DOCK10: variants seen among roughly 807,000 people sequenced by gnomAD.
The protein encoded by DOCK10 is dedicator of cytokinesis protein 10.
Under a neutral mutation model 280.1 loss-of-function variants are expected in DOCK10, and 145 were observed. That is an observed-to-expected ratio of 0.52 (90% confidence interval 0.45 to 0.59). DOCK10 has a LOEUF of 0.59. Ranked by LOEUF, DOCK10 falls within the 20% of genes least tolerant of loss-of-function variation. DOCK10 has a pLI of 0.00. For synonymous variants in DOCK10, 915 were observed against 942.2 expected (o/e 0.97, Z 0.53); for missense variants, 2,368 against 2,651.7 (o/e 0.89, Z 2.35).
intron 3 of DOCK10, among the ~76,000 whole-genome samples, chr2:224,904,416 C>T (rs1054230548): frequency 6.6e-6 from 1 of 151,978 alleles, no homozygotes; most frequent in South Asian, 2.1e-4. Flanking sequence ...AAGAATGTAA[C>T]CTTTTAAAAA....
intron 11 of DOCK10, among the ~76,000 whole-genome samples, chr2:224,865,779 G>T (rs1266821146): frequency 6.6e-6 from 1 of 151,926 alleles, no homozygotes; most frequent in Non-Finnish European, 1.5e-5. Flanking sequence ...TGTAAAAGGT[G>T]CATAAAACCA....
rs774361414 is a variant in DOCK10 at position 224,805,289 on chromosome 2, G to A, written c.3968C>T (p.Thr1323Ile). 1.5e-5 allele frequency: 25 copies of A among 1,612,994 alleles called. No individual in the cohort carries two copies. In the African/African-American group the frequency reaches 2.9e-4, roughly 19 times the overall value. Residue 1323 changes from threonine to isoleucine, a missense_variant, in exon 36 of 56, where the codon ACT (threonine) becomes ATT (isoleucine). Physicochemically the swap from Thr to Ile is moderately conservative, Grantham distance 89. This residue lies in a region of DOCK10 where 1,159 missense variants were observed against 1,400.8 expected (regional missense o/e 0.83). Transcript: ENST00000258390. This position sits in a 1 kb window ranked among gnomAD's most constrained non-coding sequence, Gnocchi z 4.3. ...IPRPLSLIGS[T>I]LRFDKLDQAE... Reference sequence around the variant, plus strand: ...TTGATCTAACTTGTCAAATCGAAGAGTTGAGCCAATCAAAGACAAGGGTCT... The same window carrying A: ...TTGATCTAACTTGTCAAATCGAAGAATTGAGCCAATCAAAGACAAGGGTCT...
At chr2:224,878,568 G>A (rs945689457) in intron 7 of DOCK10, among the ~76,000 whole-genome samples, 47 of 152,190 alleles carry the variant, frequency 3.1e-4, no homozygotes, top group Admixed American at 3.1e-3. Flanking sequence ...TGTGGCCTGG[G>A]AGTTGTGGTT....
At chr2:224,945,812 G>A (rs761937505) in intron 1 of DOCK10, among the ~76,000 whole-genome samples, 14 of 151,994 alleles carry the variant, frequency 9.2e-5, no homozygotes, top group African/African-American at 2.7e-4. Flanking sequence ...TCCCGGAGAC[G>A]TTTAGCAATG....
At chr2:224,844,674 C>T in intron 22 of DOCK10, 79 bp downstream of exon 22, 3 of 921,440 alleles carry the variant, frequency 3.3e-6, no homozygotes, top group Non-Finnish European at 5.2e-6. Flanking sequence ...AATGATTAGT[C>T]TCATCCTGTA....
chr2:224,783,273 A>ATTTTTTT (rs10713926), intron 50 of DOCK10, among the ~76,000 whole-genome samples: 3 of 143,998 alleles, frequency 2.1e-5, no homozygotes, highest in African/African-American at 2.6e-5. Context: ...TCAGACTGGA[A>ATTTTTTT]TTTTTTTTTT....
At chr2:225,020,972 T>C (rs984237119) in intron 1 of DOCK10, among the ~76,000 whole-genome samples, 6 of 152,196 alleles carry the variant, frequency 3.9e-5, no homozygotes, top group African/African-American at 4.8e-5. Context: ...CAGCATTTGG[T>C]TTCAGGAGCT....
At chr2:224,847,841 C>T (rs1457588185) in intron 19 of DOCK10, among the ~76,000 whole-genome samples, 2 of 152,174 alleles carry the variant, frequency 1.3e-5, no homozygotes, top group Non-Finnish European at 2.9e-5. Context: ...GACAGAAAGA[C>T]AGCACCCACT....
Position 224,796,300 on chromosome 2 carries a change from A to C in DOCK10, c.4938+16T>G, listed in dbSNP as rs1456593647. The C allele has an allele frequency of 1.3e-6, 2 of 1,485,882 alleles. No individual in the cohort carries two copies. Among genetic ancestry groups the C allele is most frequent in the East Asian group, 2.4e-5 (1 of 40,878 alleles). 92.0% of individuals were successfully genotyped at this position (1,485,882 alleles called of 1,614,324 possible). The stretch of plus-strand genomic sequence containing the variant: ...TAAAAAAATTCTGCAGTAAAAGCCC[A>C]CAAAGCATTTCTTACTTTCATTTGC... On this transcript the variant is annotated intron_variant, in intron 44 of 55. Coordinates refer to ENST00000258390, the MANE Select transcript of DOCK10 (RefSeq NM_014689.3).
At chr2:224,988,167 A>T (rs531217746) in intron 1 of DOCK10, among the ~76,000 whole-genome samples, 1 of 152,250 alleles carries the variant, frequency 6.6e-6, no homozygotes, top group East Asian at 1.9e-4. Context: ...GCCCTGGAAA[A>T]GCCTCCCCTA....
At chr2:224,788,589 A>G (rs763583785) in intron 48 of DOCK10, among the ~76,000 whole-genome samples, 6 of 152,128 alleles carry the variant, frequency 3.9e-5, no homozygotes, top group African/African-American at 1.2e-4. Context: ...GAGGAGTTCT[A>G]TTTTCTTCAC....
At chr2:225,020,823 C>T (rs182177038) in intron 1 of DOCK10, among the ~76,000 whole-genome samples, 8 of 151,292 alleles carry the variant, frequency 5.3e-5, no homozygotes, top group Admixed American at 5.3e-4. Flanking sequence ...TGTTGGGTTT[C>T]ACACACACAC....
chr2:224,851,269 G>A (rs1315301863), intron 18 of DOCK10, among the ~76,000 whole-genome samples: 1 of 152,120 alleles, frequency 6.6e-6, no homozygotes, highest in East Asian at 1.9e-4. Flanking sequence ...ACATGTGATT[G>A]TTATTCTTTT....
chr2:224,889,771 A>C (rs926751422), intron 4 of DOCK10, among the ~76,000 whole-genome samples: 1 of 152,210 alleles, frequency 6.6e-6, no homozygotes, highest in Non-Finnish European at 1.5e-5. Context: ...ATACCATCTA[A>C]CATGCTCTGA....
At position 224,806,131 on chromosome 2, in the gene DOCK10, A is replaced by G. The variant is rs1559452332; in HGVS notation, c.3809T>C (p.Ile1270Thr). The change falls in exon 34 of 56, where the codon ATA (isoleucine) becomes ACA (threonine). Residue 1270 changes from isoleucine (I) to threonine (T), a missense_variant. By Grantham distance (89) the Ile-to-Thr change is moderately conservative (BLOSUM62 -1). This residue lies in a region of DOCK10 where 1,159 missense variants were observed against 1,400.8 expected (regional missense o/e 0.83). Coordinates refer to ENST00000258390, the MANE Select transcript of DOCK10 (RefSeq NM_014689.3). ...TCTCAGAAGATCTCAAGTACCTGCT[A>G]TGGAATTTAAAACATCTTTAGAAAA... ...TSFSKDVLNS[I>T]AAFSSIAIST... 2 of 1,585,006 alleles carry G rather than the reference A, an allele frequency of 1.3e-6. No homozygotes were observed. The highest frequency in any genetic ancestry group is 1.1e-5 in the South Asian group (1 of 89,528).
intron 14 of DOCK10, among the ~76,000 whole-genome samples, chr2:224,860,121 G>A (rs1357654820): frequency 6.6e-6 from 1 of 152,148 alleles, no homozygotes; most frequent in African/African-American, 2.4e-5. Flanking sequence ...GGTTTCATTA[G>A]CTTTCCTATC....
intron 1 of DOCK10, among the ~76,000 whole-genome samples, chr2:224,941,806 T>C (rs1703100178): frequency 1.4e-5 from 2 of 148,074 alleles, no homozygotes; most frequent in African/African-American, 5.0e-5. Flanking sequence ...ATCTCATCAC[T>C]GTAATCCAGC....
intron 11 of DOCK10, among the ~76,000 whole-genome samples, chr2:224,873,468 T>G (rs1449886587): frequency 6.6e-6 from 1 of 151,728 alleles, no homozygotes; most frequent in African/African-American, 2.4e-5. Flanking sequence ...CTGTAGTCCA[T>G]TACTTGGAAG....
At chr2:224,874,401 C>T in intron 9 of DOCK10, 52 bp from the exon 10 acceptor site, 2 of 1,384,320 alleles carry the variant, frequency 1.4e-6, no homozygotes, top group Non-Finnish European at 2.0e-6. Context: ...AGATACAGCC[C>T]CTGACACATC....
Sources: gnomAD v4.1 joint callset for allele counts (sites outside exome capture counted in the v4.1 genomes callset) on GRCh38, gnomAD v4.1.1 for gene constraint, gnomAD v4.1.1 regional missense constraint, Gnocchi (gnomAD v3.1) non-coding constraint, MANE v1.5 for transcripts, NCBI Gene and HGNC (gene_info 2026-07-23, HGNC 2026-07-21) for gene names.